MPRIP: variants seen among roughly 807,000 people sequenced by gnomAD.
MPRIP encodes the protein myosin phosphatase Rho-interacting protein.
In MPRIP, 59 loss-of-function variants were observed where a neutral mutation model predicts 234.9. That is an observed-to-expected ratio of 0.25 (90% CI 0.20 to 0.31). The LOEUF (loss-of-function observed/expected upper bound fraction) is 0.31. Ranked by LOEUF, MPRIP falls within the 10% of genes least tolerant of loss-of-function variation. The pLI is 1.00. For synonymous variants in MPRIP, 1,144 were observed against 1,263.9 expected, an observed-to-expected ratio of 0.91 and a Z score of 2.01; for missense variants, 2,436 against 3,071.0, an observed-to-expected ratio of 0.79 and a Z score of 4.89.
At chr17:17,158,399 C>T (rs781767240) in intron 13 of MPRIP, 33 bp from the exon 14 acceptor site, 1 of 1,518,558 alleles carries the variant, frequency 6.6e-7, no homozygotes, top group Non-Finnish European at 8.8e-7. Flanking sequence ...AGAGCCGCCC[C>T]TGACAGGCTA....
chr17:17,177,163 G>A (rs905555218), intron 21 of MPRIP, 87 bp from the exon 22 acceptor site: 44 of 1,325,362 alleles, frequency 3.3e-5, no homozygotes, highest in African/African-American at 1.3e-4. Flanking sequence ...CCTCCCTACC[G>A]TGTTCAGTCC....
Position 17,165,547 on chromosome 17 carries a change from G to C in MPRIP, c.3956G>C (p.Arg1319Thr), listed in dbSNP as rs1055868568. The C allele has an allele frequency of 3.1e-6, 4 of 1,304,448 alleles. No homozygotes were observed. Among genetic ancestry groups the C allele is most frequent in the Admixed American group, 4.6e-5 (2 of 43,556 alleles). 80.8% of individuals were successfully genotyped at this position (1,304,448 alleles called of 1,614,324 possible). A position where few individuals can be genotyped will look rare whatever the true frequency, so the allele number is the denominator to read the frequency against. ...GACCAAGGGGCACCTGGTGTTAAAA[G>C]GCAAAGAATCCGGTTCTCCACAATC... ...KLDQGAPGVK[R>T]QRIRFSTIQC... is the part of the protein sequence containing the mutation. The change falls in exon 16 of 24, where the codon AGG (arginine) becomes ACG (threonine). Residue 1319 changes from arginine to threonine, a missense_variant. By Grantham distance (71) the Arg-to-Thr change is moderately conservative. Around this residue, in one of 4 missense-constraint regions of MPRIP, gnomAD observed 1,998 missense variants for 2,520.3 expected, o/e 0.79. Coordinates refer to ENST00000651222, the MANE Select transcript of MPRIP (RefSeq NM_001364716.4).
chr17:17,136,465 G>C lies in MPRIP; in HGVS notation c.736+15G>C, dbSNP rs2090701783. On this transcript the variant is annotated intron_variant, in intron 6 of 23. Transcript: ENST00000651222. ...GAGCAAAGAAGGTGAGCGGAGGCCA[G>C]GCTGGCTTGTATGCACGGGAATGGC... The C allele has an allele frequency of 6.2e-7, 1 of 1,601,844 alleles. No individual in the cohort carries two copies. The highest frequency in any genetic ancestry group is 1.1e-5 in the South Asian group (1 of 89,252).
At chr17:17,085,415 C>T (rs1051787420) in intron 3 of MPRIP, among the ~76,000 whole-genome samples, 1 of 152,248 alleles carries the variant, frequency 6.6e-6, no homozygotes, top group Non-Finnish European at 1.5e-5. Flanking sequence ...CCCGCAGGCC[C>T]TCCCCATGCA....
Position 17,143,543 on chromosome 17 carries a change from C to T in MPRIP, c.1390-13C>T, listed in dbSNP as rs777234487. On this transcript the variant is annotated splice_polypyrimidine_tract_variant and intron_variant, in intron 8 of 23. Transcript: ENST00000651222. ...CCTGGGCTGCACTGACCAGCGGCTG[C>T]TCTCTGCCACAGGACTTCACCAATG... The T allele has an allele frequency of 1.3e-6, 2 of 1,568,940 alleles. No individual in the cohort carries two copies. The highest frequency in any genetic ancestry group is 1.7e-6 in the Non-Finnish European group (2 of 1,149,834).
chr17:17,124,587 G>C (rs1258329526), intron 3 of MPRIP, among the ~76,000 whole-genome samples: 2 of 152,192 alleles, frequency 1.3e-5, no homozygotes, highest in African/African-American at 2.4e-5. Context: ...GGTTCCTTCA[G>C]GATGGCTTCT....
chr17:17,108,081 A>G (rs2090097353), intron 3 of MPRIP, among the ~76,000 whole-genome samples: 1 of 152,178 alleles, frequency 6.6e-6, no homozygotes, highest in East Asian at 1.9e-4. Flanking sequence ...CCTGCTGGAG[A>G]AGGATGGCCC....
chr17:17,104,759 G>A (rs1401396395), intron 3 of MPRIP, among the ~76,000 whole-genome samples: 1 of 152,118 alleles, frequency 6.6e-6, no homozygotes, highest in African/African-American at 2.4e-5. Context: ...GCCTCCCTTC[G>A]GAGCACCCAC....
intron 1 of MPRIP, among the ~76,000 whole-genome samples, chr17:17,049,340 A>G (rs986453821): frequency 4.6e-5 from 7 of 152,192 alleles, no homozygotes; most frequent in Non-Finnish European, 1.0e-4. Context: ...TTGACTTATG[A>G]TGGGACTTAT....
At chr17:17,108,233 T>C (rs2090101178) in intron 3 of MPRIP, among the ~76,000 whole-genome samples, 1 of 152,178 alleles carries the variant, frequency 6.6e-6, no homozygotes, top group Non-Finnish European at 1.5e-5. Context: ...GCCAGCAGGC[T>C]CTTTACAGCT....
At chr17:17,047,509 A>G (rs2088392143) in intron 1 of MPRIP, among the ~76,000 whole-genome samples, 1 of 152,080 alleles carries the variant, frequency 6.6e-6, no homozygotes, top group Non-Finnish European at 1.5e-5. Flanking sequence ...AATCTATCAG[A>G]CTTGTTTTTT....
At chr17:17,115,853 G>A (rs1019916108) in intron 3 of MPRIP, among the ~76,000 whole-genome samples, 3 of 152,156 alleles carry the variant, frequency 2.0e-5, no homozygotes, top group Non-Finnish European at 2.9e-5. Context: ...GGTGGCCTAG[G>A]TGCTGATCAT....
Position 17,164,174 on chromosome 17 carries a change from A to G in MPRIP, c.2583A>G (p.Gln861=), listed in dbSNP as rs1476349185. The G allele has an allele frequency of 7.7e-7, 1 of 1,304,326 alleles. No individual in the cohort carries two copies. Among genetic ancestry groups the G allele is most frequent in the East Asian group, 5.5e-5 (1 of 18,024 alleles). 80.8% of individuals were successfully genotyped at this position (1,304,326 alleles called of 1,614,324 possible). A position where few individuals can be genotyped will look rare whatever the true frequency, so the allele number is the denominator to read the frequency against. ...TCCATAGAGTCAACCAAGACCTTCA[A>G]AGTGAGCTTGAAGCCCAGTGCCAGC... ...QRLHRVNQDL[Q]SELEAQCQRQ... Residue 861 remains glutamine, a synonymous_variant, in exon 16 of 24, where the codon CAA becomes CAG. Coordinates refer to ENST00000651222, the MANE Select transcript of MPRIP (RefSeq NM_001364716.4).
intron 3 of MPRIP, among the ~76,000 whole-genome samples, chr17:17,098,916 T>C (rs1043959699): frequency 4.6e-5 from 7 of 151,958 alleles, no homozygotes; most frequent in African/African-American, 1.7e-4. Flanking sequence ...TTTTCCCAGC[T>C]CTGTATAAAG....
intron 14 of MPRIP, 138 bp downstream of exon 14, chr17:17,159,140 G>T: frequency 1.2e-6 from 1 of 837,340 alleles, no homozygotes; most frequent in South Asian, 1.8e-5. Flanking sequence ...GGAGACAGAC[G>T]CATAGATGAG....
At chr17:17,147,672 G>C (rs982729009) in intron 11 of MPRIP, among the ~76,000 whole-genome samples, 6 of 152,184 alleles carry the variant, frequency 3.9e-5, no homozygotes, top group Admixed American at 6.5e-5. Context: ...CAGTGCAGTG[G>C]GTTTGGGCAG....
chr17:17,096,947 C>G (rs963367125), intron 3 of MPRIP: 2 of 390,680 alleles, frequency 5.1e-6, no homozygotes, highest in African/African-American at 4.2e-5. Context: ...GGCCAGCCAT[C>G]GCAGGGAGCA....
intron 1 of MPRIP, among the ~76,000 whole-genome samples, chr17:17,060,239 C>T (rs896138813): frequency 1.3e-5 from 2 of 152,178 alleles, no homozygotes; most frequent in African/African-American, 2.4e-5. Flanking sequence ...GGGGCCCCAC[C>T]GGGTCCCTAA....
In MPRIP at chr17:17,185,566, G is replaced by A. The variant is rs751544547; in HGVS notation, c.*672G>A. On this transcript the variant is annotated 3_prime_UTR_variant, in exon 24 of 24. Transcript: ENST00000651222. Reference sequence around the variant, plus strand: ...TTATTAAATCTTGCACAAAATCCCCGGCCCCTCTCCTTCCTTCCTTCCTTC... The same window carrying A: ...TTATTAAATCTTGCACAAAATCCCCAGCCCCTCTCCTTCCTTCCTTCCTTC... The A allele has an allele frequency of 1.2e-4, 55 of 453,994 alleles. No homozygotes were observed. The Middle Eastern group carries it at 1.9e-3, about 16-fold the overall frequency. The allele number at this position is 453,994 out of a possible 1,614,324, so 28.1% of individuals were successfully genotyped here. A position where few individuals can be genotyped will look rare whatever the true frequency, so the allele number is the denominator to read the frequency against.
Sources: gnomAD v4.1 joint callset for allele counts (sites outside exome capture counted in the v4.1 genomes callset) on GRCh38, gnomAD v4.1.1 for gene constraint, gnomAD v4.1.1 regional missense constraint, MANE v1.5 for transcripts, NCBI Gene and HGNC (gene_info 2026-07-23, HGNC 2026-07-21) for gene names.